WDR20: variants seen among roughly 807,000 people sequenced by gnomAD.
WDR20 encodes WD repeat-containing protein 20.
WDR20 carries 3 observed loss-of-function variants against 38.7 expected under a neutral mutation model. The observed-to-expected ratio is 0.08, with a 90% confidence interval of 0.04 to 0.20. The LOEUF (loss-of-function observed/expected upper bound fraction) is 0.20, where lower values mean the gene tolerates loss of function less well. Among genes scored for constraint, WDR20 ranks in the 10% least tolerant of loss-of-function variants. The pLI is 1.00. For synonymous variants in WDR20, 298 were observed against 285.6 expected, an observed-to-expected ratio of 1.04 and a Z score of -0.44; for missense variants, 559 against 727.7, an observed-to-expected ratio of 0.77 and a Z score of 2.67.
chr14:102,143,994 T>A (rs1365230728), intron 1 of WDR20, among the ~76,000 whole-genome samples: 4 of 145,466 alleles, frequency 2.7e-5, no homozygotes, highest in Non-Finnish European at 6.1e-5. Flanking sequence ...CTGGATAATA[T>A]ATCAATACCC....
chr14:102,183,412 C>T (rs146006948), intron 1 of WDR20, among the ~76,000 whole-genome samples: 1 of 152,222 alleles, frequency 6.6e-6, no homozygotes, highest in African/African-American at 2.4e-5. Flanking sequence ...TTCTCTCACT[C>T]TAGCTCTTTT....
chr14:102,199,556 T>C (rs1003013084), intron 2 of WDR20, among the ~76,000 whole-genome samples: 5 of 152,168 alleles, frequency 3.3e-5, no homozygotes, highest in African/African-American at 1.2e-4. Context: ...ATTACAGCAA[T>C]GTGGCCTTTC....
At chr14:102,143,548 CTTT>C (rs11299573) in intron 1 of WDR20, among the ~76,000 whole-genome samples, 1 of 144,386 alleles carries the variant, frequency 6.9e-6, no homozygotes. Flanking sequence ...TTTTAAACAT[CTTT>C]TTTTTTTTTT....
chr14:102,171,328 A>G (rs1294816103), intron 1 of WDR20: 1 of 144,068 alleles, frequency 6.9e-6, no homozygotes, highest in African/African-American at 2.6e-5. Flanking sequence ...CAGTAGTATA[A>G]TCATAGCTCA....
At chr14:102,194,804 G>A (rs1244263445) in intron 1 of WDR20, 134 bp from the exon 2 acceptor site, 3 of 967,810 alleles carry the variant, frequency 3.1e-6, no homozygotes, top group African/African-American at 1.6e-5. Flanking sequence ...ATGATGTTAA[G>A]TCACAACTGA....
At chr14:102,200,457 A>ATTTTTTTT (rs746438768) in intron 2 of WDR20, among the ~76,000 whole-genome samples, 6 of 111,024 alleles carry the variant, frequency 5.4e-5, no homozygotes, top group African/African-American at 1.8e-4. Flanking sequence ...TACTTTTTAA[A>ATTTTTTTT]TTTTTTTTTT....
chr14:102,165,213 C>T (rs772418723), intron 1 of WDR20, among the ~76,000 whole-genome samples: 17 of 152,280 alleles, frequency 1.1e-4, no homozygotes, highest in Non-Finnish European at 2.4e-4. Context: ...GGCTCTCCCT[C>T]CTCAGCTCCA....
intron 1 of WDR20, among the ~76,000 whole-genome samples, chr14:102,172,051 A>C (rs1463436602): frequency 4.0e-5 from 6 of 151,218 alleles, no homozygotes; most frequent in Non-Finnish European, 7.4e-5. Flanking sequence ...GAGGACCCTG[A>C]GGCCTTCCGC....
rs184808970 is a variant in WDR20 at position 102,154,409 on chromosome 14, T to C, written c.249+14237T>C. Among the ~76,000 whole-genome samples, 6 of 152,268 alleles carry C rather than the reference T, an allele frequency of 3.9e-5. No individual in the cohort carries two copies. In the East Asian group the frequency reaches 9.6e-4, roughly 24 times the overall value. On this transcript the variant is annotated intron_variant, in intron 1 of 2. Transcript: ENST00000342702. ...AGGGGGAAGGCAGCTCTGTGGGACC[T>C]CTTTTATAAGGGCACCAGTCCCATC...
At chr14:102,177,687 G>A (rs1393714274) in intron 1 of WDR20, among the ~76,000 whole-genome samples, 3 of 152,192 alleles carry the variant, frequency 2.0e-5, no homozygotes, top group African/African-American at 4.8e-5. Context: ...GGAGTAGCAG[G>A]TGATTGATAT....
downstream of WDR20, chr14:102,212,973 C>T: frequency 9.9e-6 from 10 of 1,005,790 alleles, no homozygotes; most frequent in Non-Finnish European, 1.2e-5. Context: ...ATGAAAGGCT[C>T]AGACGAAAGT....
At chr14:102,178,409 T>G (rs1330850090) in intron 1 of WDR20, among the ~76,000 whole-genome samples, 3 of 149,086 alleles carry the variant, frequency 2.0e-5, no homozygotes, top group Non-Finnish European at 4.5e-5. Context: ...AAAAAAAAAT[T>G]GTTTGGCGTG....
Position 102,209,085 on chromosome 14 carries a change from C to G in WDR20, c.915C>G (p.Ser305=). ...TAGCCAGAGGCCACGGGCACAAGTC[C>G]TGGGTCAGTGTTGTAGCGTTTGACC... ...RVIARGHGHK[S]WVSVVAFDPY... Residue 305 remains serine, a synonymous_variant, in exon 3 of 3, where the codon TCC becomes TCG. Transcript: ENST00000342702. The surrounding 1 kb of genome is among the most constrained non-coding windows in gnomAD (Gnocchi z 6.0). 1.2e-6 allele frequency: 2 copies of G among 1,614,150 alleles called. No individual in the cohort carries two copies. The highest frequency in any genetic ancestry group is 1.7e-6 in the Non-Finnish European group (2 of 1,180,028).
At chr14:102,161,755 G>A (rs2058807594) in intron 1 of WDR20, among the ~76,000 whole-genome samples, 1 of 151,960 alleles carries the variant, frequency 6.6e-6, no homozygotes, top group African/African-American at 2.4e-5. Context: ...CGGTTTAGGT[G>A]GCAAAACAGT....
chr14:102,223,164 C>T (rs1176727521), exon 4 of WDR20: 1 of 235,996 alleles, frequency 4.2e-6, no homozygotes, highest in African/African-American at 2.3e-5. Context: ...AATTAAATTT[C>T]ATATATATAT....
chr14:102,213,035 G>A (rs893359344), downstream of WDR20: 8 of 990,642 alleles, frequency 8.1e-6, no homozygotes, highest in Admixed American at 5.8e-5. Context: ...GCAAGGGGGC[G>A]AGCTGGTCCC....
intron 1 of WDR20, chr14:102,178,815 C>T (rs1330151392): frequency 6.6e-6 from 1 of 152,134 alleles, no homozygotes; most frequent in Non-Finnish European, 1.5e-5. Context: ...TGAATAGCTA[C>T]ACTGGGCTAG....
intron 1 of WDR20, among the ~76,000 whole-genome samples, chr14:102,184,897 T>A (rs369318778): frequency 1.1e-4 from 17 of 152,088 alleles, no homozygotes; most frequent in African/African-American, 3.9e-4. Context: ...TCAGAGCCCA[T>A]CAGAAGCGCG....
At chr14:102,216,890 G>A (rs914661015), downstream of WDR20, among the ~76,000 whole-genome samples, 1 of 150,606 alleles carries the variant, frequency 6.6e-6, no homozygotes, top group Non-Finnish European at 1.5e-5. Flanking sequence ...TCGAGATGGC[G>A]CCACTGCACT....
Sources: allele counts gnomAD v4.1 joint callset (sites outside exome capture counted in the v4.1 genomes callset), GRCh38; gene constraint gnomAD v4.1.1; non-coding constraint Gnocchi (gnomAD v3.1); transcripts MANE v1.5; gene names NCBI Gene and HGNC (gene_info 2026-07-23, HGNC 2026-07-21).